SLCO1B1: variants seen among roughly 807,000 people sequenced by gnomAD.
SLCO1B1 encodes the protein solute carrier organic anion transporter family member 1B1.
In SLCO1B1, 81 loss-of-function variants were observed where a neutral mutation model predicts 70.1. The observed-to-expected ratio is 1.16, with a 90% CI of 0.97 to 1.39. The LOEUF (loss-of-function observed/expected upper bound fraction) is 1.39. SLCO1B1 is among the 40% of genes most tolerant of loss of function. SLCO1B1 has a pLI of 0.00. For synonymous variants in SLCO1B1, 283 were observed against 271.5 expected (o/e 1.04, Z -0.42); for missense variants, 895 against 799.6 (o/e 1.12, Z -1.44).
chr12:21,233,567 C>CAAAAAAAAA (rs1445198484), intron 14 of SLCO1B1, among the ~76,000 whole-genome samples: 1 of 116,592 alleles, frequency 8.6e-6, no homozygotes, highest in Non-Finnish European at 1.8e-5. Flanking sequence ...AAAAAACAAA[C>CAAAAAAAAA]AAACAAAAAA....
intron 8 of SLCO1B1, among the ~76,000 whole-genome samples, chr12:21,199,785 GT>G (rs1013111374): frequency 1.5e-4 from 22 of 151,160 alleles, no homozygotes; most frequent in Admixed American, 1.1e-3. Flanking sequence ...TTGTTTTTGG[GT>G]TTTTTTGTTT....
chr12:21,215,651 T>C (rs1941348941), intron 11 of SLCO1B1, among the ~76,000 whole-genome samples: 1 of 152,134 alleles, frequency 6.6e-6, no homozygotes, highest in Admixed American at 6.5e-5. Flanking sequence ...TATTGGCCTG[T>C]TGGTTTGTTT....
chr12:21,205,809 T>G (rs1410081380), intron 10 of SLCO1B1, 59 bp from the exon 11 acceptor site: 15 of 1,288,452 alleles, frequency 1.2e-5, no homozygotes, highest in African/African-American at 1.6e-5. Context: ...TCTCCTCCCC[T>G]TCTTTGTCTT....
At chr12:21,209,525 G>C (rs1311105443) in intron 11 of SLCO1B1, among the ~76,000 whole-genome samples, 1 of 152,146 alleles carries the variant, frequency 6.6e-6, no homozygotes, top group Non-Finnish European at 1.5e-5. Flanking sequence ...ACATACGTGT[G>C]CATGTGTCTT....
chr12:21,155,603 C>CT (rs1010077284), intron 2 of SLCO1B1, among the ~76,000 whole-genome samples: 1 of 152,044 alleles, frequency 6.6e-6, no homozygotes, highest in Non-Finnish European at 1.5e-5. Context: ...ATGATAGTTT[C>CT]TTTTTTATAG....
At chr12:21,193,800 T>G (rs947710155) in intron 7 of SLCO1B1, among the ~76,000 whole-genome samples, 13 of 152,140 alleles carry the variant, frequency 8.5e-5, no homozygotes, top group Non-Finnish European at 1.6e-4. Flanking sequence ...GCTCTTTTTT[T>G]TTATTTTGGA....
intron 11 of SLCO1B1, among the ~76,000 whole-genome samples, chr12:21,213,987 C>G (rs1941322373): frequency 6.6e-6 from 1 of 151,324 alleles, no homozygotes; most frequent in African/African-American, 2.4e-5. Flanking sequence ...TCAAAGTTTT[C>G]AACTTCTTTG....
chr12:21,232,280 C>A (rs1339482171), intron 14 of SLCO1B1, among the ~76,000 whole-genome samples: 1 of 152,188 alleles, frequency 6.6e-6, no homozygotes, highest in Admixed American at 6.5e-5. Flanking sequence ...TCCAGTGCAA[C>A]CGATTTCAAG....
At chr12:21,233,409 C>T (rs1249065963) in intron 14 of SLCO1B1, among the ~76,000 whole-genome samples, 1 of 151,982 alleles carries the variant, frequency 6.6e-6, no homozygotes, top group Non-Finnish European at 1.5e-5. Flanking sequence ...CCAAGAATTC[C>T]GAGTCTTCCT....
rs769736039 is a variant in SLCO1B1 at position 21,200,533 on chromosome 12, C to T, written c.996C>T (p.Ile332=). ...VTGFFQSFKS[I]LTNPLYVMFV... is the part of the protein sequence containing the mutation. Reference sequence around the variant, plus strand: ...GTTTTTTCCAGTCTTTTAAAAGCATCCTTACTAATCCCCTGTATGTTATGT... The same window carrying T: ...GTTTTTTCCAGTCTTTTAAAAGCATTCTTACTAATCCCCTGTATGTTATGT... The change falls in exon 9 of 15, where the codon ATC becomes ATT. Residue 332 remains isoleucine (I), a synonymous_variant. Transcript: ENST00000256958. 84 of 1,579,930 alleles carry T rather than the reference C, an allele frequency of 5.3e-5. No individual in the cohort carries two copies. Among genetic ancestry groups the T allele is most frequent in the Non-Finnish European group, 7.0e-5 (81 of 1,161,418 alleles).
intron 4 of SLCO1B1, 125 bp downstream of exon 4, chr12:21,174,834 A>C: frequency 1.1e-6 from 1 of 881,918 alleles, no homozygotes; most frequent in East Asian, 2.5e-5. Flanking sequence ...CTAAGTGTGT[A>C]CAGAAATGAA....
At chr12:21,177,002 A>G in intron 5 of SLCO1B1, 105 bp downstream of exon 5, 2 of 863,604 alleles carry the variant, frequency 2.3e-6, no homozygotes, top group South Asian at 2.8e-5. Flanking sequence ...TTAAGAATGA[A>G]TAGGAAAAAC....
chr12:21,222,838 C>T (rs577645295), intron 13 of SLCO1B1, among the ~76,000 whole-genome samples: 6 of 152,136 alleles, frequency 3.9e-5, no homozygotes, highest in African/African-American at 1.4e-4. Flanking sequence ...AGAATCTGGC[C>T]AGGCTATGGC....
chr12:21,218,365 A>G (rs1941384693), intron 12 of SLCO1B1, among the ~76,000 whole-genome samples: 1 of 152,192 alleles, frequency 6.6e-6, no homozygotes, highest in South Asian at 2.1e-4. Context: ...ATACATGTGT[A>G]AGTATAGTGA....
rs1941430078 is a variant in SLCO1B1 at position 21,222,252 on chromosome 12, TG to T, written c.1683-47del. The T allele has an allele frequency of 4.2e-6, 4 of 945,114 alleles. No individual in the cohort carries two copies. The East Asian group carries it at 1.2e-4, about 27-fold the overall frequency. The allele number at this position is 945,114 out of a possible 1,614,324, so 58.5% of individuals were successfully genotyped here. On this transcript the variant is annotated intron_variant, in intron 12 of 14. Transcript: ENST00000256958. ...GAGAAGGTTTAATGTTGTTTCGTTTTGATATTTTAATGATATTTAATGTTTC... is the reference window on the plus strand; with the variant it reads ...GAGAAGGTTTAATGTTGTTTCGTTTTATATTTTAATGATATTTAATGTTTC...
At chr12:21,185,340 A>C (rs1166479450) in intron 7 of SLCO1B1, among the ~76,000 whole-genome samples, 1 of 152,162 alleles carries the variant, frequency 6.6e-6, no homozygotes, top group Non-Finnish European at 1.5e-5. Context: ...TTGTATTCTA[A>C]AATCAATCAT....
At chr12:21,213,487 T>C (rs1265320261) in intron 11 of SLCO1B1, among the ~76,000 whole-genome samples, 2 of 148,468 alleles carry the variant, frequency 1.3e-5, no homozygotes, top group Non-Finnish European at 3.0e-5. Flanking sequence ...TCTCTCTGGC[T>C]GCCCTTAACA....
intron 2 of SLCO1B1, among the ~76,000 whole-genome samples, chr12:21,142,331 A>G (rs1172924183): frequency 6.6e-6 from 1 of 151,976 alleles, no homozygotes; most frequent in Admixed American, 6.6e-5. Context: ...CCTAAGCACA[A>G]TGCTAAATGA....
At chr12:21,135,669 T>G (rs1940209886) in intron 1 of SLCO1B1, among the ~76,000 whole-genome samples, 1 of 152,164 alleles carries the variant, frequency 6.6e-6, no homozygotes, top group Non-Finnish European at 1.5e-5. Context: ...CTGCCTTTTT[T>G]TGTTTTCCAT....
Sources: allele counts gnomAD v4.1 joint callset (sites outside exome capture counted in the v4.1 genomes callset), GRCh38; gene constraint gnomAD v4.1.1; transcripts MANE v1.5; gene names NCBI Gene and HGNC (gene_info 2026-07-23, HGNC 2026-07-21).